FBN3: variants seen among roughly 807,000 people sequenced by gnomAD.
FBN3 encodes fibrillin 3.
Under a neutral mutation model 330.1 loss-of-function variants are expected in FBN3, and 234 were observed. The observed-to-expected ratio is 0.71, with a 90% confidence interval of 0.64 to 0.79. The LOEUF is 0.79. Among genes scored for constraint, FBN3 ranks in the 30% least tolerant of loss-of-function variants. The pLI is 0.00. For missense variants in FBN3, 3,606 were observed against 3,886.9 expected (o/e 0.93, Z 1.92); for synonymous variants, 1,458 against 1,517.3 (o/e 0.96, Z 0.91).
rs746756903 is a variant in FBN3 at position 8,146,176 on chromosome 19, C to T, written c.300G>A (p.Leu100=). 1 of 1,603,786 alleles carries T rather than the reference C, an allele frequency of 6.2e-7. No homozygotes were observed. Among genetic ancestry groups the T allele is most frequent in the Non-Finnish European group, 8.5e-7 (1 of 1,176,472 alleles). The change falls in exon 4 of 64, where the codon CTG becomes CTA. Residue 100 remains leucine, a synonymous_variant. Coordinates refer to ENST00000600128, the MANE Select transcript of FBN3 (RefSeq NM_032447.5). ...CGEGFCSQPN[L]CTCADGTLAP... Reference sequence around the variant, plus strand: ...CCAGCGTCCCATCCGCACAGGTGCACAGGTTGGGCTGGGAGCAGAAGCCTT... The same window carrying T: ...CCAGCGTCCCATCCGCACAGGTGCATAGGTTGGGCTGGGAGCAGAAGCCTT...
chr19:8,135,942 CCG>C lies in FBN3; in HGVS notation c.1591+17_1591+18del. The stretch of plus-strand genomic sequence containing the variant: ...GTGGGGCCCGGAAGCCCCTGCCCAC[CCG>C]CCCACCCCCAACTCACCCACACAGT... On this transcript the variant is annotated intron_variant, in intron 13 of 63. Transcript: ENST00000600128. 3 of 466,724 alleles carry C rather than the reference CCG, an allele frequency of 6.4e-6. No individual in the cohort carries two copies. Among genetic ancestry groups the C allele is most frequent in the Non-Finnish European group, 1.2e-5 (3 of 243,050 alleles). The allele number at this position is 466,724 out of a possible 1,614,324, so 28.9% of individuals were successfully genotyped here. A position where few individuals can be genotyped will look rare whatever the true frequency, so the allele number is the denominator to read the frequency against.
chr19:8,093,398 C>T (rs2082140510), intron 47 of FBN3, among the ~76,000 whole-genome samples: 2 of 151,960 alleles, frequency 1.3e-5, no homozygotes, highest in Non-Finnish European at 1.5e-5. Context: ...CCAAGGCGGG[C>T]AGATCACGAG....
chr19:8,073,187 G>C lies in FBN3; in HGVS notation c.7813C>G (p.Leu2605Val). 3.1e-6 allele frequency: 5 copies of C among 1,614,014 alleles called. No individual in the cohort carries two copies. The highest frequency in any genetic ancestry group is 4.2e-6 in the Non-Finnish European group (5 of 1,179,970). ...TCATCCACCTCCTGGCAGCCCCCGA[G>C]GGCCTGATCAAAGTCAAAGCCAGAG... ...CPSGFDFDQA[L>V]GGCQEVDECA... Residue 2605 changes from leucine to valine, a missense_variant, in exon 62 of 64, where the codon CTC (leucine) becomes GTC (valine). Physicochemically the swap from Leu to Val is conservative, Grantham distance 32. Transcript: ENST00000600128.
intron 4 of FBN3, 67 bp downstream of exon 4, chr19:8,146,060 G>C: frequency 1.3e-6 from 2 of 1,514,584 alleles, no homozygotes; most frequent in Non-Finnish European, 1.8e-6. Context: ...AGCAGCCCAG[G>C]CTCCTCGTGG....
chr19:8,116,646 G>A (rs527330821), intron 29 of FBN3, 28 bp downstream of exon 29: 17 of 808,832 alleles, frequency 2.1e-5, no homozygotes, highest in African/African-American at 1.1e-4. Context: ...TCCTCCACCC[G>A]CCCCGCCCCA....
At chr19:8,099,318 T>C (rs1395410171) in intron 41 of FBN3, among the ~76,000 whole-genome samples, 1 of 146,698 alleles carries the variant, frequency 6.8e-6, no homozygotes. Context: ...TCTTGCTCTG[T>C]CGCCCAGGCT....
At chr19:8,143,497 CTTTTTT>C (rs557671451) in intron 6 of FBN3, among the ~76,000 whole-genome samples, 1 of 126,100 alleles carries the variant, frequency 7.9e-6, no homozygotes, top group Non-Finnish European at 1.6e-5. Flanking sequence ...CTTTTCTTTT[CTTTTTT>C]TTTTTTTTTT....
chr19:8,090,894 C>T (rs1159745813), intron 48 of FBN3, among the ~76,000 whole-genome samples: 1 of 152,172 alleles, frequency 6.6e-6, no homozygotes, highest in African/African-American at 2.4e-5. Context: ...GGATCAAAAA[C>T]CCCTTCCTGG....
chr19:8,083,960 G>A (rs1278508259), intron 56 of FBN3, among the ~76,000 whole-genome samples: 2 of 151,728 alleles, frequency 1.3e-5, no homozygotes, highest in African/African-American at 2.4e-5. Flanking sequence ...CTGCCACCAC[G>A]CCCGGCTAAT....
intron 26 of FBN3, among the ~76,000 whole-genome samples, chr19:8,118,658 C>T (rs1355338562): frequency 6.6e-6 from 1 of 152,136 alleles, no homozygotes; most frequent in Non-Finnish European, 1.5e-5. Flanking sequence ...CTTGTACAGA[C>T]ACTCACACAT....
intron 42 of FBN3, 129 bp from the exon 43 acceptor site, chr19:8,097,135 G>T: frequency 6.8e-7 from 1 of 1,466,146 alleles, no homozygotes; most frequent in Non-Finnish European, 9.3e-7. Context: ...GAGTAAGGGT[G>T]GTTATATGAG....
chr19:8,086,033 TG>T (rs369750739), intron 55 of FBN3, among the ~76,000 whole-genome samples, 166 bp downstream of exon 55: 45 of 62,828 alleles, frequency 7.2e-4, no homozygotes, highest in African/African-American at 1.7e-3. Flanking sequence ...GGACAGGCAG[TG>T]GGAGGGACAG....
chr19:8,141,055 C>T (rs979743596), intron 8 of FBN3, among the ~76,000 whole-genome samples: 9 of 151,406 alleles, frequency 5.9e-5, no homozygotes, highest in South Asian at 2.1e-4. Context: ...ATTATCCGGG[C>T]GTGGTAGCGG....
chr19:8,100,749 G>A (rs1307606140), intron 41 of FBN3, 152 bp downstream of exon 41: 8 of 666,890 alleles, frequency 1.2e-5, no homozygotes, highest in Non-Finnish European at 1.9e-5. Context: ...TTGAGGGCAG[G>A]ATTCCTGGGG....
chr19:8,066,213 C>A lies in FBN3; in HGVS notation c.8136G>T (p.Leu2712=). 6.2e-7 allele frequency: 1 copy of A among 1,601,146 alleles called. No individual in the cohort carries two copies. The highest frequency in any genetic ancestry group is 8.5e-7 in the Non-Finnish European group (1 of 1,171,766). The part of the protein sequence containing the change: ...LDSEALLTLG[L]NLSHLGRAER... ...CGGCCCGGCCCAGGTGTGAGAGGTT[C>A]AGGCCCAAGGTCAGCAGGGCCTCGG... The change falls in exon 64 of 64, where the codon CTG becomes CTT. Residue 2712 remains leucine (L), a synonymous_variant. Coordinates refer to ENST00000600128, the MANE Select transcript of FBN3 (RefSeq NM_032447.5).
chr19:8,069,549 A>T (rs577508325), intron 63 of FBN3, among the ~76,000 whole-genome samples: 1 of 151,922 alleles, frequency 6.6e-6, no homozygotes, highest in South Asian at 2.1e-4. Flanking sequence ...GCTCTTACTG[A>T]CCCCTGCTGG....
intron 37 of FBN3, 76 bp downstream of exon 37, chr19:8,108,094 A>C (rs2082488077): frequency 7.5e-7 from 1 of 1,336,330 alleles, no homozygotes; most frequent in African/African-American, 1.5e-5. Context: ...TCAACTCTAC[A>C]CTTTGGTGAG....
At chr19:8,086,119 GA>G (rs2081948706) in intron 55 of FBN3, 80 bp downstream of exon 55, 3 of 1,051,646 alleles carry the variant, frequency 2.9e-6, no homozygotes, top group East Asian at 4.9e-5. Context: ...GCAGTGGGGG[GA>G]ACAGGCAGTG....
intron 3 of FBN3, among the ~76,000 whole-genome samples, chr19:8,146,709 G>C (rs1193983565): frequency 1.3e-5 from 2 of 152,026 alleles, no homozygotes; most frequent in Non-Finnish European, 2.9e-5. Context: ...GCTCACACCT[G>C]GAATCCTAGC....
Sources: allele counts gnomAD v4.1 joint callset (sites outside exome capture counted in the v4.1 genomes callset), GRCh38; gene constraint gnomAD v4.1.1; transcripts MANE v1.5; gene names NCBI Gene and HGNC (gene_info 2026-07-23, HGNC 2026-07-21).